Variants in ATP6V0D1 observed in about 807,000 individuals in gnomAD.
ATP6V0D1 encodes the protein ATPase H+ transporting V0 subunit d1, also known as V-type proton ATPase subunit d 1.
A neutral mutation model predicts 39.0 loss-of-function variants in ATP6V0D1; 13 were observed. The ratio of observed to expected loss-of-function variants is 0.33; its 90% CI spans 0.22 to 0.53. The LOEUF is 0.53. Ranked by LOEUF, ATP6V0D1 falls within the 20% of genes least tolerant of loss-of-function variation. The probability of loss-of-function intolerance (pLI) is 0.94; values close to 1 mark genes in which losing one functional copy is unlikely to be tolerated. For missense variants in ATP6V0D1, 272 were observed against 470.9 expected, an observed-to-expected ratio of 0.58 and a Z score of 3.91; for synonymous variants, 191 against 191.2, an observed-to-expected ratio of 1.00 and a Z score of 0.01.
intron 2 of ATP6V0D1, chr16:67,452,561 A>G: frequency 5.7e-6 from 4 of 700,594 alleles, no homozygotes; most frequent in Middle Eastern, 6.7e-4. Context: ...GTTAGACAAT[A>G]CCCAGAGAGC....
chr16:67,444,393 G>C lies in ATP6V0D1; in HGVS notation c.481+135C>G. 1.1e-6 allele frequency: 1 copy of C among 907,112 alleles called. No homozygotes were observed. Among genetic ancestry groups the C allele is most frequent in the Non-Finnish European group, 1.6e-6 (1 of 620,510 alleles). 56.2% of individuals were successfully genotyped at this position (907,112 alleles called of 1,614,324 possible). The stretch of plus-strand genomic sequence containing the variant: ...GAGAATCGGAGGAGGAAGTTGAAGG[G>C]AGACAAAGGTAAGCAGCAGTGGGCA... On this transcript the variant is annotated intron_variant, in intron 3 of 7. Coordinates refer to ENST00000290949, the MANE Select transcript of ATP6V0D1 (RefSeq NM_004691.5). This position sits in a 1 kb window ranked among gnomAD's most constrained non-coding sequence, Gnocchi z 4.8.
At chr16:67,468,372 G>A (rs1464090391) in intron 1 of ATP6V0D1, among the ~76,000 whole-genome samples, 1 of 152,138 alleles carries the variant, frequency 6.6e-6, no homozygotes, top group Non-Finnish European at 1.5e-5. Context: ...AAGATCACTT[G>A]AGCCCAGGAG....
chr16:67,448,532 C>T (rs2041142579), intron 2 of ATP6V0D1, among the ~76,000 whole-genome samples: 2 of 151,800 alleles, frequency 1.3e-5, no homozygotes, highest in South Asian at 2.1e-4. Context: ...TGGTGGCGCA[C>T]ACCTGTAATC....
chr16:67,457,715 T>C (rs1567538745), intron 1 of ATP6V0D1: 15 of 1,158,418 alleles, frequency 1.3e-5, no homozygotes, highest in South Asian at 1.3e-5. Flanking sequence ...GGCTCTCTTC[T>C]GCAGGCCCCC....
intron 2 of ATP6V0D1, among the ~76,000 whole-genome samples, chr16:67,445,177 T>C (rs892066378): frequency 1.3e-5 from 2 of 151,956 alleles, no homozygotes; most frequent in African/African-American, 2.4e-5. Flanking sequence ...GACGGATGCA[T>C]TGGAGGAACT....
chr16:67,468,880 A>G (rs1424645116), intron 1 of ATP6V0D1, among the ~76,000 whole-genome samples: 1 of 152,150 alleles, frequency 6.6e-6, no homozygotes, highest in Non-Finnish European at 1.5e-5. Flanking sequence ...CGCTGAGTAA[A>G]CCCAAGAAAA....
At chr16:67,462,984 G>C (rs1409513164) in intron 1 of ATP6V0D1, among the ~76,000 whole-genome samples, 1 of 152,208 alleles carries the variant, frequency 6.6e-6, no homozygotes, top group East Asian at 1.9e-4. Context: ...GGCTCACTCA[G>C]TTGGAGGTGG....
chr16:67,457,515 G>C, intron 1 of ATP6V0D1: 1 of 1,206,116 alleles, frequency 8.3e-7, no homozygotes, highest in South Asian at 1.3e-5. Context: ...AGAAGCCAGG[G>C]CATGCCTTCT....
At chr16:67,451,346 G>A (rs1037420925) in intron 2 of ATP6V0D1, among the ~76,000 whole-genome samples, 9 of 152,188 alleles carry the variant, frequency 5.9e-5, no homozygotes. Flanking sequence ...AACTTCAGTT[G>A]GGGAGGGCGG....
At chr16:67,462,782 C>T (rs2041298678) in intron 1 of ATP6V0D1, among the ~76,000 whole-genome samples, 1 of 150,052 alleles carries the variant, frequency 6.7e-6, no homozygotes, top group African/African-American at 2.5e-5. Context: ...GAGCCAAGAT[C>T]ATGCCACTGC....
chr16:67,465,355 T>G (rs941815212), intron 1 of ATP6V0D1, among the ~76,000 whole-genome samples: 2 of 152,206 alleles, frequency 1.3e-5, no homozygotes, highest in Non-Finnish European at 2.9e-5. Context: ...ACATCCTACA[T>G]GCCCCTCAGA....
intron 1 of ATP6V0D1, among the ~76,000 whole-genome samples, chr16:67,478,495 T>A (rs894209571): frequency 8.6e-5 from 13 of 151,434 alleles, no homozygotes; most frequent in African/African-American, 3.2e-4. Context: ...ATGCCTGTAA[T>A]CCCAGCTACT....
At chr16:67,467,580 T>C (rs902980130) in intron 1 of ATP6V0D1, among the ~76,000 whole-genome samples, 1 of 152,206 alleles carries the variant, frequency 6.6e-6, no homozygotes, top group African/African-American at 2.4e-5. Flanking sequence ...GACTGCGCTG[T>C]TGAATCCTTA....
chr16:67,470,162 C>T (rs1248135781), intron 1 of ATP6V0D1, among the ~76,000 whole-genome samples: 1 of 152,128 alleles, frequency 6.6e-6, no homozygotes, highest in Non-Finnish European at 1.5e-5. Context: ...GGCATAAACA[C>T]CTCTGTACAT....
chr16:67,444,458 C>A lies in ATP6V0D1; in HGVS notation c.481+70G>T, dbSNP rs2041091284. The A allele has an allele frequency of 1.3e-6, 2 of 1,500,184 alleles. No homozygotes were observed. Among genetic ancestry groups the A allele is most frequent in the African/African-American group, 1.4e-5 (1 of 72,012 alleles). 92.9% of individuals were successfully genotyped at this position (1,500,184 alleles called of 1,614,324 possible). A position where few individuals can be genotyped will look rare whatever the true frequency, so the allele number is the denominator to read the frequency against. ...GCTCAGGGTCGCCCCCCAGCGGGTCCACAAACCCCACCCTGATGCGCTGAT... is the reference window on the plus strand; with the variant it reads ...GCTCAGGGTCGCCCCCCAGCGGGTCAACAAACCCCACCCTGATGCGCTGAT... On this transcript the variant is annotated intron_variant, in intron 3 of 7. Coordinates refer to ENST00000290949, the MANE Select transcript of ATP6V0D1 (RefSeq NM_004691.5). This position sits in a 1 kb window ranked among gnomAD's most constrained non-coding sequence, Gnocchi z 4.8.
Position 67,447,581 on chromosome 16 carries a change from G to C in ATP6V0D1, c.303-2875C>G, listed in dbSNP as rs746641284. ...GAAGACAGCTGGGGAGTGGAGGGCC[G>C]GCTGCCCGCCAGGCCAAAGAGGCCC... On this transcript the variant is annotated intron_variant, in intron 2 of 7. Transcript: ENST00000290949. The surrounding 1 kb of genome is among the most constrained non-coding windows in gnomAD (Gnocchi z 4.1). Among the ~76,000 whole-genome samples, 1 of 152,294 alleles carries C rather than the reference G, an allele frequency of 6.6e-6. No homozygotes were observed. The highest frequency in any genetic ancestry group is 1.9e-4 in the East Asian group (1 of 5,182).
At chr16:67,443,323 T>G in intron 3 of ATP6V0D1, 145 bp from the exon 4 acceptor site, 1 of 687,288 alleles carries the variant, frequency 1.5e-6, no homozygotes, top group South Asian at 1.8e-5. Flanking sequence ...GCTGTTGCCT[T>G]GGAAGTGGCA....
In ATP6V0D1 at chr16:67,438,562, C is replaced by T. The variant is rs533634923; in HGVS notation, c.1022G>A (p.Arg341His). ...WIAECIAQRH[R>H]AKIDNYIPIF ...AGGGATGTAGTTGTCGATTTTGGCG[C>T]GGTGGCGCTGGGCGATACATTCAGC... The change falls in exon 8 of 8, where the codon CGC becomes CAC. Residue 341 changes from arginine (R) to histidine (H), a missense_variant. This residue lies in a region of ATP6V0D1 where 35 missense variants were observed against 84.6 expected (regional missense o/e 0.41). Transcript: ENST00000290949. 16 of 1,613,960 alleles carry T rather than the reference C, an allele frequency of 9.9e-6. No individual in the cohort carries two copies. Among genetic ancestry groups the T allele is most frequent in the East Asian group, 4.5e-5 (2 of 44,864 alleles).
intron 1 of ATP6V0D1, among the ~76,000 whole-genome samples, chr16:67,471,116 T>C (rs936971162): frequency 6.6e-6 from 1 of 152,228 alleles, no homozygotes; most frequent in Admixed American, 6.5e-5. Flanking sequence ...ATGTGATATT[T>C]TGATACATAT....
Sources: gnomAD v4.1 joint callset for allele counts (sites outside exome capture counted in the v4.1 genomes callset) on GRCh38, gnomAD v4.1.1 for gene constraint, gnomAD v4.1.1 regional missense constraint, Gnocchi (gnomAD v3.1) non-coding constraint, MANE v1.5 for transcripts, NCBI Gene and HGNC (gene_info 2026-07-23, HGNC 2026-07-21) for gene names.